RAB27B: variants seen among roughly 807,000 people sequenced by gnomAD.
The protein encoded by RAB27B is ras-related protein Rab-27B.
Under a neutral mutation model 24.6 loss-of-function variants are expected in RAB27B, and 15 were observed. That is an observed-to-expected ratio of 0.61 (90% CI 0.41 to 0.94). The LOEUF (loss-of-function observed/expected upper bound fraction) is 0.94. Ranked by LOEUF, RAB27B falls within the 40% of genes least tolerant of loss-of-function variation. The pLI is 0.00. For synonymous variants in RAB27B, 105 were observed against 92.5 expected (o/e 1.14, Z -0.78); for missense variants, 261 against 266.8 (o/e 0.98, Z 0.15).
At chr18:54,745,708 T>C (rs1245673231) in intron 2 of RAB27B, 2 of 150,802 alleles carry the variant, frequency 1.3e-5, no homozygotes, top group Admixed American at 1.3e-4. Flanking sequence ...ATTAGAAGCA[T>C]TCACACTGTC....
intron 2 of RAB27B, among the ~76,000 whole-genome samples, chr18:54,822,978 T>G (rs1910358950): frequency 6.6e-6 from 1 of 152,334 alleles, no homozygotes. Flanking sequence ...TATATCTTCA[T>G]TACACATTCT....
chr18:54,832,439 C>T (rs879741566), intron 1 of RAB27B, among the ~76,000 whole-genome samples: 2 of 152,118 alleles, frequency 1.3e-5, no homozygotes, highest in Non-Finnish European at 2.9e-5. Flanking sequence ...CCTTTTGAAG[C>T]GTTTTTCAAC....
intron 2 of RAB27B, among the ~76,000 whole-genome samples, chr18:54,733,813 T>C (rs1909806093): frequency 6.6e-6 from 1 of 152,142 alleles, no homozygotes; most frequent in Admixed American, 6.6e-5. Context: ...CTCTCAAATA[T>C]GGCACTCCAA....
chr18:54,759,881 C>T (rs978651317), intron 2 of RAB27B, among the ~76,000 whole-genome samples: 2 of 152,148 alleles, frequency 1.3e-5, no homozygotes, highest in African/African-American at 4.8e-5. Context: ...CACTCCATCC[C>T]CTTTCCAGCT....
chr18:54,761,041 C>A (rs922822249), intron 2 of RAB27B, among the ~76,000 whole-genome samples: 1 of 149,046 alleles, frequency 6.7e-6, no homozygotes, highest in Non-Finnish European at 1.5e-5. Context: ...GCTTGAGAAT[C>A]TGATATCACA....
intron 2 of RAB27B, among the ~76,000 whole-genome samples, chr18:54,796,912 C>T (rs1409243080): frequency 1.3e-5 from 2 of 152,152 alleles, no homozygotes; most frequent in Non-Finnish European, 2.9e-5. Context: ...AGTTTGGCCA[C>T]ACAGTAGTTG....
At position 54,850,955 on chromosome 18, in the gene RAB27B, G is replaced by A. The variant is rs57529103; in HGVS notation, c.-20+22255G>A. On this transcript the variant is annotated intron_variant, in intron 1 of 5. Coordinates refer to ENST00000262094, the MANE Select transcript of RAB27B (RefSeq NM_004163.4). ...CCTACTCATTAGCTGTGTGGTCTTGGGCAAATTATTCACCCTGTCTGAGTT... is the reference window on the plus strand; with the variant it reads ...CCTACTCATTAGCTGTGTGGTCTTGAGCAAATTATTCACCCTGTCTGAGTT... Among the ~76,000 whole-genome samples the A allele has an allele frequency of 4.4e-3, 675 of 151,854 alleles. 9 individuals are homozygous for A. Among genetic ancestry groups the A allele is most frequent in the African/African-American group, 0.016 (666 of 41,400 alleles).
intron 2 of RAB27B, among the ~76,000 whole-genome samples, chr18:54,734,266 T>A (rs1476622669): frequency 3.3e-5 from 5 of 152,134 alleles, no homozygotes; most frequent in African/African-American, 1.2e-4. Context: ...GATGACTCAC[T>A]CCACTGTAGA....
At chr18:54,864,641 G>A (rs948778456) in intron 1 of RAB27B, among the ~76,000 whole-genome samples, 1 of 151,874 alleles carries the variant, frequency 6.6e-6, no homozygotes, top group Admixed American at 6.6e-5. Flanking sequence ...TTCTATAAAA[G>A]CTTCTTTGTT....
intron 2 of RAB27B, among the ~76,000 whole-genome samples, chr18:54,812,957 G>A (rs1358815553): frequency 2.0e-5 from 3 of 152,140 alleles, no homozygotes; most frequent in East Asian, 1.9e-4. Flanking sequence ...GAATAAAGAA[G>A]CATAGATTCT....
intron 2 of RAB27B, among the ~76,000 whole-genome samples, chr18:54,789,830 C>G (rs1483822353): frequency 6.6e-6 from 1 of 152,116 alleles, no homozygotes; most frequent in Non-Finnish European, 1.5e-5. Context: ...CAATCTGTTA[C>G]TAGGACTTTT....
chr18:54,804,864 T>TTC (rs1555657975), intron 2 of RAB27B, among the ~76,000 whole-genome samples: 2 of 1,586 alleles, frequency 1.3e-3, no homozygotes, highest in Admixed American at 0.031. Context: ...TTCCTTCCTT[T>TTC]CTTTTTTTCT....
chr18:54,739,360 G>A (rs146744272), intron 2 of RAB27B, among the ~76,000 whole-genome samples: 4,250 of 150,614 alleles, frequency 0.028, 73 homozygotes, highest in Middle Eastern at 0.092. Flanking sequence ...GGATGCTGAG[G>A]CATAAGAATT....
At chr18:54,862,479 C>T (rs902266798) in intron 1 of RAB27B, among the ~76,000 whole-genome samples, 1 of 152,130 alleles carries the variant, frequency 6.6e-6, no homozygotes, top group African/African-American at 2.4e-5. Flanking sequence ...GGGTTTTCTA[C>T]ACTGGAATTG....
intron 1 of RAB27B, among the ~76,000 whole-genome samples, chr18:54,840,774 A>C (rs372510740): frequency 6.6e-6 from 1 of 152,142 alleles, no homozygotes; most frequent in African/African-American, 2.4e-5. Flanking sequence ...AGGCTCATTC[A>C]CCAATACTGT....
At chr18:54,857,106 C>A (rs1363394661) in intron 1 of RAB27B, among the ~76,000 whole-genome samples, 1 of 152,152 alleles carries the variant, frequency 6.6e-6, no homozygotes, top group Non-Finnish European at 1.5e-5. Flanking sequence ...ACCAGAGAGA[C>A]CATTAACGAT....
chr18:54,740,103 A>G (rs911433598), intron 2 of RAB27B, among the ~76,000 whole-genome samples: 10 of 152,118 alleles, frequency 6.6e-5, no homozygotes, highest in Admixed American at 2.6e-4. Context: ...ATTGTCTTTT[A>G]TGGTTTGTTC....
At chr18:54,875,951 G>T (rs936180748) in intron 1 of RAB27B, among the ~76,000 whole-genome samples, 1 of 152,036 alleles carries the variant, frequency 6.6e-6, no homozygotes, top group Admixed American at 6.6e-5. Flanking sequence ...AGTGATTTTA[G>T]ATATGTCCTC....
chr18:54,813,545 C>T (rs367681558), intron 2 of RAB27B, among the ~76,000 whole-genome samples: 2 of 152,198 alleles, frequency 1.3e-5, no homozygotes, highest in African/African-American at 2.4e-5. Flanking sequence ...CTCTGTCTTG[C>T]TTCCCCTCTC....
Sources: allele counts gnomAD v4.1 joint callset (sites outside exome capture counted in the v4.1 genomes callset), GRCh38; gene constraint gnomAD v4.1.1; transcripts MANE v1.5; gene names NCBI Gene and HGNC (gene_info 2026-07-23, HGNC 2026-07-21).